Variants in PHF24 observed in about 807,000 individuals in gnomAD.
PHF24 encodes PHD finger protein 24.
Under a neutral mutation model 42.6 loss-of-function variants are expected in PHF24, and 25 were observed. The ratio of observed to expected loss-of-function variants is 0.59; its 90% CI spans 0.43 to 0.82. PHF24 has a LOEUF of 0.82. Among genes scored for constraint, PHF24 ranks in the 40% least tolerant of loss-of-function variants. The pLI is 0.00. For missense variants in PHF24, 470 were observed against 538.1 expected, an observed-to-expected ratio of 0.87 and a Z score of 1.25; for synonymous variants, 185 against 204.8, an observed-to-expected ratio of 0.90 and a Z score of 0.83.
chr9:34,880,087 A>G, the PHF24 span, among the ~76,000 whole-genome samples: 1 of 152,106 alleles, frequency 6.6e-6, no homozygotes. Context: ...AGAATTTCAT[A>G]TCCAGCCAAA....
At chr9:34,892,794 G>T in the PHF24 span, 1 of 610,720 alleles carries the variant, frequency 1.6e-6, no homozygotes, top group South Asian at 2.1e-5. Flanking sequence ...CTCTGTCCTC[G>T]CTGAAAGTGA....
the PHF24 span, chr9:34,723,948 G>A: frequency 2.1e-5 from 32 of 1,551,254 alleles, no homozygotes; most frequent in Non-Finnish European, 2.5e-5. Context: ...CGGCTCCATC[G>A]CCAGGACCCT....
the PHF24 span, among the ~76,000 whole-genome samples, chr9:34,896,045 G>A: frequency 6.6e-6 from 1 of 152,114 alleles, no homozygotes; most frequent in African/African-American, 2.4e-5. Context: ...TACTGTTATG[G>A]CTTAGCTCTC....
the PHF24 span, among the ~76,000 whole-genome samples, chr9:34,847,365 G>T: frequency 6.6e-5 from 10 of 152,194 alleles, no homozygotes; most frequent in African/African-American, 2.4e-4. Flanking sequence ...TGAAGCAGTT[G>T]TGAACAGGAG....
the PHF24 span, among the ~76,000 whole-genome samples, chr9:34,689,194 C>G: frequency 6.6e-6 from 1 of 152,302 alleles, no homozygotes; most frequent in East Asian, 1.9e-4. This position sits in a 1 kb window ranked among gnomAD's most constrained non-coding sequence, Gnocchi z 4.1. Flanking sequence ...CCCTTCCCCC[C>G]AGTGACACTG....
At chr9:34,704,126 CAAG>C in the PHF24 span, among the ~76,000 whole-genome samples, 2 of 152,098 alleles carry the variant, frequency 1.3e-5, no homozygotes, top group Non-Finnish European at 2.9e-5. Context: ...CCTAGGCAAT[CAAG>C]TGATCCTCCC....
At chr9:34,871,586 T>C in the PHF24 span, among the ~76,000 whole-genome samples, 1 of 152,178 alleles carries the variant, frequency 6.6e-6, no homozygotes, top group Non-Finnish European at 1.5e-5. Context: ...TATGTTTAGG[T>C]CTATGATCCA....
the PHF24 span, among the ~76,000 whole-genome samples, chr9:34,928,919 T>C: frequency 1.3e-5 from 2 of 152,228 alleles, no homozygotes; most frequent in Admixed American, 1.3e-4. Flanking sequence ...CTTGCAGTCC[T>C]CTTGGTACCC....
At chr9:34,720,698 A>T in the PHF24 span, among the ~76,000 whole-genome samples, 1 of 152,210 alleles carries the variant, frequency 6.6e-6, no homozygotes, top group East Asian at 1.9e-4. Context: ...CTCACTGAGC[A>T]CTAGGATGCC....
the PHF24 span, among the ~76,000 whole-genome samples, chr9:34,739,001 C>A: frequency 1.3e-5 from 2 of 152,112 alleles, no homozygotes; most frequent in Admixed American, 6.6e-5. Flanking sequence ...TGTTTCCGAG[C>A]CAGAACACTT....
chr9:34,838,657 TGTA>T, the PHF24 span: 2 of 496,726 alleles, frequency 4.0e-6, no homozygotes, highest in African/African-American at 3.8e-5. Context: ...ATAAGGTACA[TGTA>T]GTAGGGAAGC....
the PHF24 span, among the ~76,000 whole-genome samples, chr9:34,830,840 A>G: frequency 6.6e-6 from 1 of 152,304 alleles, no homozygotes; most frequent in African/African-American, 2.4e-5. Flanking sequence ...CTCCTTGTAG[A>G]TCTCAGCTTG....
At chr9:34,875,984 T>TCA in the PHF24 span, among the ~76,000 whole-genome samples, 5 of 133,326 alleles carry the variant, frequency 3.8e-5, no homozygotes, top group South Asian at 1.3e-3. Flanking sequence ...TCTCTCTCTC[T>TCA]CTCACTCCTT....
the PHF24 span, among the ~76,000 whole-genome samples, chr9:34,800,087 G>T: frequency 2.3e-5 from 3 of 131,666 alleles, no homozygotes; most frequent in African/African-American, 7.7e-5. Flanking sequence ...TCACCACTAT[G>T]CAATATATCC....
At chr9:34,933,681 C>T in the PHF24 span, among the ~76,000 whole-genome samples, 7 of 150,214 alleles carry the variant, frequency 4.7e-5, no homozygotes, top group Middle Eastern at 6.9e-3. Flanking sequence ...GCTGAGATCA[C>T]GCCACTGCAC....
the PHF24 span, among the ~76,000 whole-genome samples, chr9:34,881,888 A>C: frequency 1.3e-5 from 2 of 152,234 alleles, no homozygotes; most frequent in Non-Finnish European, 2.9e-5. Context: ...CTGATACCAA[A>C]GCCTGACAGC....
At chr9:34,977,512 C>A (rs763634628) in intron 6 of PHF24, 34 bp from the exon 7 acceptor site, 1 of 1,574,708 alleles carries the variant, frequency 6.4e-7, no homozygotes, top group South Asian at 1.2e-5. Flanking sequence ...ATTTCACTAT[C>A]CCACTCCTAA....
At chr9:34,895,108 G>C in the PHF24 span, 1 of 398,532 alleles carries the variant, frequency 2.5e-6, no homozygotes. Flanking sequence ...ACATTAGAAT[G>C]CAAAGCTGCT....
rs1257595274 is a variant in PHF24 at position 34,972,532 on chromosome 9, G to A, written c.564+1G>A. 1.2e-6 allele frequency: 2 copies of A among 1,606,464 alleles called. No individual in the cohort carries two copies. Among genetic ancestry groups the A allele is most frequent in the Admixed American group, 1.7e-5 (1 of 59,552 alleles). On this transcript the variant is annotated splice_donor_variant, in intron 3 of 7. Coordinates refer to ENST00000242315, the Ensembl canonical transcript of PHF24. LOFTEE classifies it high-confidence loss of function. ...AACAGGCTGGAGCTGCCACTACTGTGTAAGTCTGGACTGCAGGGACAGCAG... is the reference window on the plus strand; with the variant it reads ...AACAGGCTGGAGCTGCCACTACTGTATAAGTCTGGACTGCAGGGACAGCAG...
Sources: allele counts gnomAD v4.1 joint callset (sites outside exome capture counted in the v4.1 genomes callset), GRCh38; gene constraint gnomAD v4.1.1; non-coding constraint Gnocchi (gnomAD v3.1); transcripts MANE v1.5; gene names NCBI Gene and HGNC (gene_info 2026-07-23, HGNC 2026-07-21).